LPP: variants seen among roughly 807,000 people sequenced by gnomAD.
LPP encodes the protein LIM domain containing preferred translocation partner in lipoma.
Under a neutral mutation model 60.4 loss-of-function variants are expected in LPP, and 38 were observed. The observed-to-expected ratio is 0.63, with a 90% CI of 0.49 to 0.83. The LOEUF (loss-of-function observed/expected upper bound fraction) is 0.83. Ranked by LOEUF, LPP falls within the 40% of genes least tolerant of loss-of-function variation. LPP has a pLI of 0.00. For synonymous variants in LPP, 328 were observed against 290.8 expected (o/e 1.13, Z -1.30); for missense variants, 902 against 783.6 (o/e 1.15, Z -1.80).
Position 188,402,098 on chromosome 3 carries a change from C to G in LPP, c.-9-4014C>G, listed in dbSNP as rs144231386. On this transcript the variant is annotated intron_variant, in intron 3 of 11. Coordinates refer to ENST00000617246, the MANE Select transcript of LPP (RefSeq NM_001375462.1). The stretch of plus-strand genomic sequence containing the variant: ...AAGTTACTGGCAATATGATTAATGT[C>G]TGTTAAAAGAAGATGTATTTAGATG... Among the ~76,000 whole-genome samples the G allele has an allele frequency of 5.3e-3, 812 of 152,154 alleles. 8 individuals are homozygous for G. Among genetic ancestry groups the G allele is most frequent in the African/African-American group, 0.018 (753 of 41,500 alleles).
chr3:188,463,063 C>T (rs903475399), intron 4 of LPP, among the ~76,000 whole-genome samples: 5 of 152,118 alleles, frequency 3.3e-5, no homozygotes, highest in African/African-American at 9.7e-5. Flanking sequence ...TGAGATTGTG[C>T]CATTGCACTC....
intron 7 of LPP, among the ~76,000 whole-genome samples, chr3:188,698,488 C>T (rs917029305): frequency 6.6e-6 from 1 of 152,000 alleles, no homozygotes; most frequent in Admixed American, 6.6e-5. Context: ...CTCACCCCAC[C>T]GAGAAAACTC....
intron 9 of LPP, among the ~76,000 whole-genome samples, chr3:188,850,425 A>G (rs1294786987): frequency 1.3e-5 from 2 of 152,180 alleles, no homozygotes; most frequent in Admixed American, 6.5e-5. Flanking sequence ...AGAAATTGTG[A>G]TATGTGAAAT....
chr3:188,871,588 G>T (rs1267746673), intron 10 of LPP, among the ~76,000 whole-genome samples: 1 of 152,112 alleles, frequency 6.6e-6, no homozygotes, highest in Non-Finnish European at 1.5e-5. Context: ...TTCTTTTTAA[G>T]TCTCACTACA....
intron 2 of LPP, among the ~76,000 whole-genome samples, chr3:188,246,448 C>A (rs1305860715): frequency 6.6e-6 from 1 of 152,198 alleles, no homozygotes; most frequent in Non-Finnish European, 1.5e-5. Flanking sequence ...TATTTAATTA[C>A]AGGGAATTCT....
intron 2 of LPP, among the ~76,000 whole-genome samples, chr3:188,249,434 C>T (rs547801010): frequency 4.4e-4 from 63 of 144,632 alleles, no homozygotes; most frequent in African/African-American, 1.5e-3. Flanking sequence ...AAGAGTGTCT[C>T]GAAGGAAGGA....
At chr3:188,199,505 C>T (rs1274216121) in intron 1 of LPP, among the ~76,000 whole-genome samples, 1 of 151,988 alleles carries the variant, frequency 6.6e-6, no homozygotes, top group Non-Finnish European at 1.5e-5. Context: ...GCAGCAGGCG[C>T]ACCTGTATGG....
At chr3:188,697,014 C>A (rs1863393774) in intron 7 of LPP, among the ~76,000 whole-genome samples, 1 of 152,190 alleles carries the variant, frequency 6.6e-6, no homozygotes. Flanking sequence ...ATAAGCTTAT[C>A]TTCTTACCAT....
At chr3:188,577,851 C>T (rs74594700) in intron 6 of LPP, among the ~76,000 whole-genome samples, 24 of 83,544 alleles carry the variant, frequency 2.9e-4, no homozygotes, top group East Asian at 9.2e-4. Flanking sequence ...TGCCCTTTCT[C>T]TCTCTCTCTT....
intron 9 of LPP, among the ~76,000 whole-genome samples, chr3:188,853,267 A>T (rs1763089926): frequency 6.6e-6 from 1 of 152,204 alleles, no homozygotes; most frequent in Non-Finnish European, 1.5e-5. Flanking sequence ...GACTGTTAGT[A>T]TCACATTGTG....
chr3:188,481,615 T>C (rs533071055), intron 4 of LPP, among the ~76,000 whole-genome samples: 2 of 152,324 alleles, frequency 1.3e-5, no homozygotes, highest in South Asian at 4.1e-4. Context: ...GTTGTACTTT[T>C]TAAGACTTAC....
chr3:188,523,789 A>G (rs956748844), intron 5 of LPP, among the ~76,000 whole-genome samples: 3 of 152,220 alleles, frequency 2.0e-5, no homozygotes, highest in African/African-American at 7.2e-5. Flanking sequence ...CTCTTAATGA[A>G]GTTTTAAGAG....
intron 2 of LPP, among the ~76,000 whole-genome samples, chr3:188,237,039 G>T (rs144467260): frequency 1.1e-4 from 16 of 152,102 alleles, no homozygotes; most frequent in African/African-American, 3.4e-4. Flanking sequence ...CTTTGGATCT[G>T]CTTTATCCAT....
intron 2 of LPP, among the ~76,000 whole-genome samples, chr3:188,253,944 C>A (rs1343375827): frequency 2.0e-5 from 3 of 152,146 alleles, no homozygotes; most frequent in African/African-American, 7.2e-5. Context: ...GCCCATGTTT[C>A]ACTGCTTGTA....
chr3:188,429,607 C>T (rs550204786), intron 4 of LPP, among the ~76,000 whole-genome samples: 49 of 152,290 alleles, frequency 3.2e-4, no homozygotes, highest in Admixed American at 1.3e-3. Flanking sequence ...TGTTCCTAGT[C>T]CTGCCCTTAT....
chr3:188,659,549 G>T (rs1032796322), intron 7 of LPP, among the ~76,000 whole-genome samples: 1 of 152,062 alleles, frequency 6.6e-6, no homozygotes, highest in African/African-American at 2.4e-5. Context: ...TTCCAAGTTA[G>T]ATTTATAAAA....
intron 4 of LPP, among the ~76,000 whole-genome samples, chr3:188,422,833 C>T (rs1205350475): frequency 1.3e-5 from 2 of 150,580 alleles, no homozygotes; most frequent in Non-Finnish European, 2.9e-5. Flanking sequence ...AACCTATATG[C>T]GTTTCTCTTT....
chr3:188,866,697 T>A (rs1351231448), intron 10 of LPP, among the ~76,000 whole-genome samples: 1 of 152,180 alleles, frequency 6.6e-6, no homozygotes, highest in Non-Finnish European at 1.5e-5. Context: ...GGCCTAAATA[T>A]GAACAAAATT....
At chr3:188,696,066 T>C (rs1023787824) in intron 7 of LPP, among the ~76,000 whole-genome samples, 2 of 152,072 alleles carry the variant, frequency 1.3e-5, no homozygotes, top group Non-Finnish European at 2.9e-5. Flanking sequence ...AATAATCTAG[T>C]GTGTGTGTGT....
Sources: gnomAD v4.1 joint callset for allele counts (sites outside exome capture counted in the v4.1 genomes callset) on GRCh38, gnomAD v4.1.1 for gene constraint, MANE v1.5 for transcripts, NCBI Gene and HGNC (gene_info 2026-07-23, HGNC 2026-07-21) for gene names.